TWIST2: variants seen among roughly 807,000 people sequenced by gnomAD.
TWIST2 encodes the protein twist-related protein 2.
A neutral mutation model predicts 11.6 loss-of-function variants in TWIST2; 1 was observed. That is an observed-to-expected ratio of 0.09 (90% confidence interval 0.03 to 0.41). The LOEUF (loss-of-function observed/expected upper bound fraction) is 0.41. Ranked by LOEUF, TWIST2 falls within the 10% of genes least tolerant of loss-of-function variation. The pLI, the probability that TWIST2 is intolerant of heterozygous loss-of-function variation, is 0.98. For synonymous variants in TWIST2, 87 were observed against 96.6 expected (o/e 0.90, Z 0.58); for missense variants, 168 against 226.4 (o/e 0.74, Z 1.66).
chr2:238,870,624 A>C (rs1341609189), intron 1 of TWIST2, among the ~76,000 whole-genome samples: 3 of 51,626 alleles, frequency 5.8e-5, no homozygotes, highest in African/African-American at 1.1e-4. Context: ...ACCACACACA[A>C]ACCACACCCC....
At chr2:238,872,064 C>T (rs568065538) in intron 1 of TWIST2, among the ~76,000 whole-genome samples, 1 of 152,248 alleles carries the variant, frequency 6.6e-6, no homozygotes, top group South Asian at 2.1e-4. Flanking sequence ...TGTATTTTAC[C>T]AGGATTAAAT....
At chr2:238,881,627 G>A (rs1692936731) in intron 1 of TWIST2, among the ~76,000 whole-genome samples, 2 of 152,104 alleles carry the variant, frequency 1.3e-5, no homozygotes, top group Non-Finnish European at 2.9e-5. Context: ...ATTAGCATTA[G>A]TGTTAGTATT....
chr2:238,894,163 G>A (rs1693180202), intron 1 of TWIST2, among the ~76,000 whole-genome samples: 1 of 152,208 alleles, frequency 6.6e-6, no homozygotes. Flanking sequence ...GGAGAATAAA[G>A]TTGGCCTCAG....
chr2:238,885,610 C>A (rs1693020315), intron 1 of TWIST2, among the ~76,000 whole-genome samples: 1 of 152,116 alleles, frequency 6.6e-6, no homozygotes, highest in Non-Finnish European at 1.5e-5. Flanking sequence ...AGTGATGGTA[C>A]AAATTCACCA....
intron 1 of TWIST2, among the ~76,000 whole-genome samples, chr2:238,879,070 C>T (rs1001243605): frequency 6.6e-6 from 1 of 152,190 alleles, no homozygotes; most frequent in Admixed American, 6.5e-5. Context: ...AAGAATCCAG[C>T]GAGCACAAAA....
At chr2:238,872,853 G>GT (rs1264091147) in intron 1 of TWIST2, among the ~76,000 whole-genome samples, 1 of 152,210 alleles carries the variant, frequency 6.6e-6, no homozygotes, top group Non-Finnish European at 1.5e-5. Flanking sequence ...TGCGTAGCTG[G>GT]TATCATGTGG....
intron 1 of TWIST2, among the ~76,000 whole-genome samples, chr2:238,905,945 GCGCGCGTGTGTA>G (rs1693344391): frequency 8.4e-4 from 94 of 111,480 alleles, no homozygotes; most frequent in Non-Finnish European, 1.2e-3. Context: ...GTGTGTGTGC[GCGCGCGTGTGTA>G]CGTGTGCGTG....
At chr2:238,870,536 ACATACCC>A (rs1559274149) in intron 1 of TWIST2, among the ~76,000 whole-genome samples, 5 of 95,934 alleles carry the variant, frequency 5.2e-5, no homozygotes, top group East Asian at 3.2e-4. Context: ...CACACACCCT[ACATACCC>A]CACACACCCC....
chr2:238,904,298 G>T (rs1353155286), intron 1 of TWIST2, among the ~76,000 whole-genome samples: 1 of 146,136 alleles, frequency 6.8e-6, no homozygotes, highest in East Asian at 2.1e-4. Context: ...TGTGTGATGG[G>T]GGTGTGTCTA....
intron 1 of TWIST2, among the ~76,000 whole-genome samples, chr2:238,870,377 ACACACCC>A (rs1692645837): frequency 2.2e-5 from 1 of 45,434 alleles, no homozygotes; most frequent in South Asian, 6.6e-4. Context: ...CACACACCCC[ACACACCC>A]CACACACCCC....
chr2:238,870,605 A>C (rs1692663032), intron 1 of TWIST2, among the ~76,000 whole-genome samples: 1 of 61,620 alleles, frequency 1.6e-5, no homozygotes. Context: ...CCCCACACAC[A>C]CATCACATAC....
rs922949838 is a variant in TWIST2, at chr2:238,866,653, C to G, written c.*35+17920C>G. Among the ~76,000 whole-genome samples the G allele has an allele frequency of 6.6e-6, 1 of 151,712 alleles. No individual in the cohort carries two copies. The highest frequency in any genetic ancestry group is 2.4e-5 in the African/African-American group (1 of 41,266). ...GCCTGGGTGACAGAGCGAGACTCCACCATGGAAAAAAAAAAGAAAAGCACG... is the reference window on the plus strand; with the variant it reads ...GCCTGGGTGACAGAGCGAGACTCCAGCATGGAAAAAAAAAAGAAAAGCACG... On this transcript the variant is annotated intron_variant, in intron 1 of 1. Coordinates refer to ENST00000612363, the MANE Select transcript of TWIST2 (RefSeq NM_001271893.4). The surrounding 1 kb of genome is among the most constrained non-coding windows in gnomAD (Gnocchi z 4.9).
intron 1 of TWIST2, among the ~76,000 whole-genome samples, chr2:238,883,559 C>T (rs962993647): frequency 6.6e-6 from 1 of 152,198 alleles, no homozygotes; most frequent in Admixed American, 6.5e-5. Context: ...CCTTATCACT[C>T]CCTATCCTTT....
chr2:238,888,159 TTTAAAGTAAC>T (rs1462743493), intron 1 of TWIST2, among the ~76,000 whole-genome samples: 1 of 152,264 alleles, frequency 6.6e-6, no homozygotes, highest in Admixed American at 6.5e-5. Flanking sequence ...GCCAGATTTC[TTTAAAGTAAC>T]TCAAATGTTA....
chr2:238,849,374 G>C (rs967541229), intron 1 of TWIST2, among the ~76,000 whole-genome samples: 6 of 152,214 alleles, frequency 3.9e-5, no homozygotes, highest in Non-Finnish European at 5.9e-5. Flanking sequence ...TGCGCTTCGG[G>C]GCCAGAGCAG....
Position 238,871,368 on chromosome 2 carries a change from T to C in TWIST2, c.*35+22635T>C, listed in dbSNP as rs1242237098. ...CACACCCCACACACACAGTACACAC[T>C]ACACACAAACCACACACCCCATGCA... On this transcript the variant is annotated intron_variant, in intron 1 of 1. Transcript: ENST00000612363. Among the ~76,000 whole-genome samples the C allele has an allele frequency of 9.9e-4, 16 of 16,192 alleles. No individual in the cohort carries two copies. In the South Asian group the frequency reaches 0.012, roughly 12 times the overall value. 10.6% of individuals were successfully genotyped at this position (16,192 alleles called of 152,430 possible).
intron 1 of TWIST2, chr2:238,886,937 C>G (rs1174766466): frequency 1.3e-5 from 2 of 152,154 alleles, no homozygotes; most frequent in Non-Finnish European, 2.9e-5. Context: ...TTGTAACAAC[C>G]CAGGACAGAG....
chr2:238,852,913 T>G (rs2106348208), intron 1 of TWIST2, among the ~76,000 whole-genome samples: 1 of 152,332 alleles, frequency 6.6e-6, no homozygotes, highest in Middle Eastern at 3.4e-3. Flanking sequence ...ATCTATATAT[T>G]TAGATAAGCA....
At chr2:238,870,132 ACAC>A (rs1692623651) in intron 1 of TWIST2, among the ~76,000 whole-genome samples, 1 of 107,672 alleles carries the variant, frequency 9.3e-6, no homozygotes, top group African/African-American at 3.4e-5. Flanking sequence ...CCCCACACAC[ACAC>A]CACACCCCAT....
Sources: allele counts gnomAD v4.1 joint callset (sites outside exome capture counted in the v4.1 genomes callset), GRCh38; gene constraint gnomAD v4.1.1; non-coding constraint Gnocchi (gnomAD v3.1); transcripts MANE v1.5; gene names NCBI Gene and HGNC (gene_info 2026-07-23, HGNC 2026-07-21).